NTN1: variants seen among roughly 807,000 people sequenced by gnomAD.
NTN1 encodes the protein netrin 1, also known as netrin-1.
A neutral mutation model predicts 54.2 loss-of-function variants in NTN1; 11 were observed. That is an observed-to-expected ratio of 0.20 (90% CI 0.13 to 0.34). The LOEUF is 0.34. Ranked by LOEUF, NTN1 falls within the 10% of genes least tolerant of loss-of-function variation. The pLI, the probability that NTN1 is intolerant of heterozygous loss-of-function variation, is 1.00. For synonymous variants in NTN1, 371 were observed against 382.0 expected, an observed-to-expected ratio of 0.97 and a Z score of 0.33; for missense variants, 740 against 893.1, an observed-to-expected ratio of 0.83 and a Z score of 2.18.
At chr17:9,117,294 G>C (rs1282571894) in intron 2 of NTN1, among the ~76,000 whole-genome samples, 2 of 152,220 alleles carry the variant, frequency 1.3e-5, no homozygotes, top group Admixed American at 6.5e-5. Flanking sequence ...GAGGATGGCA[G>C]AGGACACTCT....
chr17:9,067,226 C>T (rs993659986), intron 2 of NTN1, among the ~76,000 whole-genome samples: 7 of 149,186 alleles, frequency 4.7e-5, no homozygotes, highest in Non-Finnish European at 7.4e-5. Context: ...AAGATTGTGC[C>T]ACTGTACTCC....
At chr17:9,166,477 G>T (rs1323515967) in intron 3 of NTN1, among the ~76,000 whole-genome samples, 2 of 151,878 alleles carry the variant, frequency 1.3e-5, no homozygotes, top group Admixed American at 6.6e-5. Flanking sequence ...GAGTAGCTGG[G>T]ATTATAGGTG....
intron 2 of NTN1, among the ~76,000 whole-genome samples, chr17:9,055,149 A>C (rs1015145104): frequency 6.6e-6 from 1 of 152,234 alleles, no homozygotes; most frequent in Non-Finnish European, 1.5e-5. Context: ...CCATCTGATC[A>C]GAGACACTTC....
intron 2 of NTN1, among the ~76,000 whole-genome samples, chr17:9,045,004 C>G (rs1424169027): frequency 1.3e-5 from 2 of 152,194 alleles, no homozygotes; most frequent in African/African-American, 2.4e-5. Flanking sequence ...ACCCCGGCCT[C>G]GGACTCCTCC....
At position 9,211,967 on chromosome 17, in the gene NTN1, T is replaced by C. The variant is rs1009266314; in HGVS notation, c.1412-9201T>C. 6.6e-6 allele frequency among the ~76,000 whole-genome samples: 1 copy of C among 152,238 alleles called. No individual in the cohort carries two copies. Among genetic ancestry groups the C allele is most frequent in the Non-Finnish European group, 1.5e-5 (1 of 68,044 alleles). ...CATTTTGGGCTTGCTTCTAGACCCTTACTTCCATAGGTTGCTAAGCTCCTT... is the reference window on the plus strand; with the variant it reads ...CATTTTGGGCTTGCTTCTAGACCCTCACTTCCATAGGTTGCTAAGCTCCTT... On this transcript the variant is annotated intron_variant, in intron 5 of 6. Transcript: ENST00000173229. The surrounding 1 kb of genome is among the most constrained non-coding windows in gnomAD (Gnocchi z 4.4).
chr17:9,062,473 A>C (rs113438380), intron 2 of NTN1, among the ~76,000 whole-genome samples: 4 of 152,344 alleles, frequency 2.6e-5, no homozygotes, highest in African/African-American at 9.6e-5. Flanking sequence ...CCTCCCATCC[A>C]GTATTCTCAT....
At chr17:9,122,025 G>A (rs1339673675) in intron 2 of NTN1, among the ~76,000 whole-genome samples, 2 of 150,068 alleles carry the variant, frequency 1.3e-5, no homozygotes, top group East Asian at 2.0e-4. Context: ...TAGGGAGTTC[G>A]TTTCTGAGTT....
At chr17:9,155,837 C>T (rs868196214) in intron 2 of NTN1, among the ~76,000 whole-genome samples, 1 of 152,160 alleles carries the variant, frequency 6.6e-6, no homozygotes, top group East Asian at 1.9e-4. Flanking sequence ...GGAAGTTTAG[C>T]GACCTCTCTG....
At chr17:9,228,898 G>T (rs1017985326) in intron 6 of NTN1, among the ~76,000 whole-genome samples, 7 of 55,642 alleles carry the variant, frequency 1.3e-4, no homozygotes, top group Non-Finnish European at 1.7e-4. Flanking sequence ...ATGTGTGATT[G>T]TGTTCGTGAC....
chr17:9,133,894 C>T, intron 2 of NTN1, among the ~76,000 whole-genome samples: 1 of 140,904 alleles, frequency 7.1e-6, no homozygotes, highest in Admixed American at 7.3e-5. Flanking sequence ...GCCACTGGGC[C>T]TAGCCTTTTT....
At chr17:9,126,205 A>G (rs2092246506) in intron 2 of NTN1, among the ~76,000 whole-genome samples, 2 of 152,234 alleles carry the variant, frequency 1.3e-5, no homozygotes, top group African/African-American at 4.8e-5. Flanking sequence ...TTGGTTTGCT[A>G]AGGAAATAAA....
chr17:9,009,282 C>T, the NTN1 span, among the ~76,000 whole-genome samples: 1 of 152,182 alleles, frequency 6.6e-6, no homozygotes, highest in African/African-American at 2.4e-5. Context: ...ACCCATGGAG[C>T]TCCCTGCAAG....
At chr17:9,150,770 G>C (rs973219559) in intron 2 of NTN1, among the ~76,000 whole-genome samples, 2 of 152,058 alleles carry the variant, frequency 1.3e-5, no homozygotes, top group Non-Finnish European at 2.9e-5. Flanking sequence ...GAAGAGAAAA[G>C]GCTAAGATGT....
intron 2 of NTN1, among the ~76,000 whole-genome samples, chr17:9,097,748 CT>C (rs796979031): frequency 1.1e-4 from 16 of 152,252 alleles, no homozygotes; most frequent in African/African-American, 3.9e-4. Context: ...CAGTTAAGCG[CT>C]TTTATCACTT....
intron 5 of NTN1, among the ~76,000 whole-genome samples, chr17:9,215,484 TAAAC>T (rs1567741261): frequency 1.3e-5 from 2 of 152,230 alleles, no homozygotes; most frequent in Non-Finnish European, 2.9e-5. Flanking sequence ...CTTTCCCCTG[TAAAC>T]TCTTACTTTT....
At chr17:9,068,083 G>C (rs2142213059) in intron 2 of NTN1, among the ~76,000 whole-genome samples, 1 of 152,276 alleles carries the variant, frequency 6.6e-6, no homozygotes, top group South Asian at 2.1e-4. Context: ...ACTCAGGGCA[G>C]ACAATCAATA....
intron 2 of NTN1, among the ~76,000 whole-genome samples, chr17:9,034,661 G>C (rs2091897854): frequency 6.6e-6 from 1 of 151,862 alleles, no homozygotes; most frequent in South Asian, 2.1e-4. Flanking sequence ...GACCTCAGGT[G>C]ATCCACCCAC....
chr17:9,156,196 A>G (rs2092341563), intron 2 of NTN1, among the ~76,000 whole-genome samples: 1 of 151,152 alleles, frequency 6.6e-6, no homozygotes, highest in South Asian at 2.1e-4. Context: ...CAGGCAGCCA[A>G]TGGCTGGGGC....
the NTN1 span, among the ~76,000 whole-genome samples, chr17:9,012,735 C>G: frequency 6.6e-6 from 1 of 152,174 alleles, no homozygotes; most frequent in South Asian, 2.1e-4. Context: ...ACGTCCTGTT[C>G]CCTCCCCTGC....
Sources: gnomAD v4.1 joint callset for allele counts (sites outside exome capture counted in the v4.1 genomes callset) on GRCh38, gnomAD v4.1.1 for gene constraint, Gnocchi (gnomAD v3.1) non-coding constraint, MANE v1.5 for transcripts, NCBI Gene and HGNC (gene_info 2026-07-23, HGNC 2026-07-21) for gene names.